Variants in BRWD1 observed in about 807,000 individuals in gnomAD.
The protein encoded by BRWD1 is bromodomain and WD repeat domain containing 1, also known as bromodomain and WD repeat-containing protein 1.
A neutral mutation model predicts 251.2 loss-of-function variants in BRWD1; 82 were observed. That is an observed-to-expected ratio of 0.33 (90% CI 0.27 to 0.39). The LOEUF (loss-of-function observed/expected upper bound fraction) is 0.39. Among genes scored for constraint, BRWD1 ranks in the 10% least tolerant of loss-of-function variants. The pLI is 1.00. For missense variants in BRWD1, 2,233 were observed against 2,711.6 expected, an observed-to-expected ratio of 0.82 and a Z score of 3.92; for synonymous variants, 918 against 902.8, an observed-to-expected ratio of 1.02 and a Z score of -0.30.
intron 10 of BRWD1, 68 bp from the exon 11 acceptor site, chr21:39,277,419 T>C: frequency 1.0e-6 from 1 of 963,896 alleles, no homozygotes; most frequent in Non-Finnish European, 1.4e-6. Context: ...CAAATTTCCA[T>C]ATTAAAATAT....
At chr21:39,297,359 T>C (rs1568966891) in intron 5 of BRWD1, 2 of 985,280 alleles carry the variant, frequency 2.0e-6, no homozygotes, top group Non-Finnish European at 2.4e-6. Flanking sequence ...GGGGTACCAG[T>C]ACAAAACAAA....
At chr21:39,264,374 T>C (rs2034852023) in intron 17 of BRWD1, 86 bp downstream of exon 17, 1 of 809,882 alleles carries the variant, frequency 1.2e-6, no homozygotes, top group Non-Finnish European at 1.8e-6. Flanking sequence ...TAATTGGGGA[T>C]CTAAAGGTAA....
In BRWD1 at chr21:39,224,457, A is replaced by C; in HGVS notation, c.3333T>G (p.Thr1111=). 1 of 1,600,220 alleles carries C rather than the reference A, an allele frequency of 6.2e-7. No individual in the cohort carries two copies. Among genetic ancestry groups the C allele is most frequent in the Non-Finnish European group, 8.5e-7 (1 of 1,171,592 alleles). ...FQCYIVRWDN[T]EIEKLSPWDM... ...CCCATGGGCTAAGTTTTTCAATTTC[A>C]GTATTATCCCACCTGTTAAAAAACA... Residue 1111 remains threonine (T), a synonymous_variant, in exon 29 of 41, where the codon ACT becomes ACG. Transcript: ENST00000342449.
rs1159891861 is a variant in BRWD1, at chr21:39,260,172, TAAG to T, written c.1886-1503_1886-1501del. Among the ~76,000 whole-genome samples, 7 of 151,910 alleles carry T rather than the reference TAAG, an allele frequency of 4.6e-5. No individual in the cohort carries two copies. In the South Asian group the frequency reaches 6.2e-4, roughly 13 times the overall value. ...TACATAGAGGCTTAATCTAAAAAGA[TAAG>T]AAGATTTTAATTAGAATTGCTTATA... On this transcript the variant is annotated intron_variant, in intron 17 of 40. Transcript: ENST00000342449.
chr21:39,197,998 T>C (rs982452013), intron 40 of BRWD1, among the ~76,000 whole-genome samples: 2 of 152,158 alleles, frequency 1.3e-5, no homozygotes, highest in African/African-American at 2.4e-5. Flanking sequence ...CTTGACACTA[T>C]AATATTAACA....
At chr21:39,264,428 TA>T (rs33939736) in intron 17 of BRWD1, 31 bp downstream of exon 17, 325,210 of 1,129,098 alleles carry the variant, frequency 0.29, 18,899 homozygotes, top group African/African-American at 0.48. Context: ...AGTACAACTT[TA>T]AAAAAAAAAA....
intron 4 of BRWD1, among the ~76,000 whole-genome samples, chr21:39,308,201 G>T (rs1245147360): frequency 6.6e-6 from 1 of 152,112 alleles, no homozygotes; most frequent in Non-Finnish European, 1.5e-5. Context: ...GCAAAAGTAG[G>T]CCTGGCAAGG....
At position 39,209,528 on chromosome 21, in the gene BRWD1, T is replaced by A. The variant is rs1031218834; in HGVS notation, c.4197+467A>T. ...AGCCTCCACTGGCTCTGTAACATTA[T>A]TTGTGGTCTTAATCTGATAGCTCAT... On this transcript the variant is annotated intron_variant, in intron 36 of 40. Coordinates refer to ENST00000342449, the MANE Select transcript of BRWD1 (RefSeq NM_033656.4). Among the ~76,000 whole-genome samples the A allele has an allele frequency of 1.8e-4, 28 of 152,176 alleles. 1 individual carries two copies. The highest frequency in any genetic ancestry group is 1.0e-4 in the Non-Finnish European group (7 of 68,030).
rs2032616895 is a variant in BRWD1, at chr21:39,210,676, A to G, written c.4044+110T>C. On this transcript the variant is annotated intron_variant, in intron 35 of 40. Coordinates refer to ENST00000342449, the MANE Select transcript of BRWD1 (RefSeq NM_033656.4). Reference sequence around the variant, plus strand: ...CACTAACTTAGTGATAGGAGCAAAAAAGTTAACATAAAGCCTGGGTATCTT... The same window carrying G: ...CACTAACTTAGTGATAGGAGCAAAAGAGTTAACATAAAGCCTGGGTATCTT... The G allele has an allele frequency of 3.0e-6, 4 of 1,324,914 alleles. No homozygotes were observed. The South Asian group carries it at 6.4e-5, about 21-fold the overall frequency. The allele number at this position is 1,324,914 out of a possible 1,614,324, so 82.1% of individuals were successfully genotyped here.
In BRWD1 at chr21:39,235,232, G is replaced by C. The variant is rs941649539; in HGVS notation, c.2766+1363C>G. 6.6e-5 allele frequency among the ~76,000 whole-genome samples: 10 copies of C among 152,172 alleles called. No individual in the cohort carries two copies. The East Asian group carries it at 1.7e-3, about 26-fold the overall frequency. ...CCACTGCACTCCAGGCTAGGCAACA[G>C]AGACTCCTCTCAAAAAATAAAAAAT... On this transcript the variant is annotated intron_variant, in intron 23 of 40. Transcript: ENST00000342449.
Position 39,190,349 on chromosome 21 carries a change from T to A in BRWD1, c.*5910A>T, listed in dbSNP as rs958299875. ...GGTTACTACAGAAGCATTATAAAAT[T>A]TTCATTGGCATTTTTAAAATTGGAG... is the stretch of plus-strand genomic sequence containing the variant. On this transcript the variant is annotated 3_prime_UTR_variant, in exon 41 of 41. Transcript: ENST00000342449. 1.0e-6 allele frequency: 1 copy of A among 985,152 alleles called. No homozygotes were observed. Among genetic ancestry groups the A allele is most frequent in the Non-Finnish European group, 1.2e-6 (1 of 829,788 alleles). 61.0% of individuals were successfully genotyped at this position (985,152 alleles called of 1,614,324 possible).
In BRWD1 at chr21:39,191,853, C is replaced by G; in HGVS notation, c.*4406G>C. Reference sequence around the variant, plus strand: ...TTAAGGGCTTTAATAAATGAAAAAACTTACCTTAAAACTGACATAACTAAA... The same window carrying G: ...TTAAGGGCTTTAATAAATGAAAAAAGTTACCTTAAAACTGACATAACTAAA... On this transcript the variant is annotated 3_prime_UTR_variant, in exon 41 of 41. Transcript: ENST00000342449. 2 of 984,936 alleles carry G rather than the reference C, an allele frequency of 2.0e-6. No homozygotes were observed. The highest frequency in any genetic ancestry group is 2.4e-6 in the Non-Finnish European group (2 of 829,556). The allele number at this position is 984,936 out of a possible 1,614,324, so 61.0% of individuals were successfully genotyped here. A position where few individuals can be genotyped will look rare whatever the true frequency, so the allele number is the denominator to read the frequency against.
At chr21:39,224,137 A>G (rs1324222230) in intron 29 of BRWD1, among the ~76,000 whole-genome samples, 1 of 152,232 alleles carries the variant, frequency 6.6e-6, no homozygotes, top group African/African-American at 2.4e-5. Context: ...GGCGTGAGCC[A>G]TGGCGCCCAG....
chr21:39,287,335 G>A (rs558462710), intron 8 of BRWD1, among the ~76,000 whole-genome samples: 2 of 152,198 alleles, frequency 1.3e-5, no homozygotes, highest in African/African-American at 4.8e-5. Flanking sequence ...AACTTTTGAG[G>A]AATAAGAGAT....
At chr21:39,288,857 T>A (rs1334682481) in intron 8 of BRWD1, among the ~76,000 whole-genome samples, 1 of 152,076 alleles carries the variant, frequency 6.6e-6, no homozygotes, top group Non-Finnish European at 1.5e-5. Flanking sequence ...ATAAGAGGAG[T>A]TGGTCTTGCT....
rs1435830962 is a variant in BRWD1 at position 39,202,506 on chromosome 21, T to A, written c.4404A>T (p.Ile1468=). The A allele has an allele frequency of 4.3e-6, 7 of 1,613,202 alleles. No homozygotes were observed. The highest frequency in any genetic ancestry group is 5.9e-6 in the Non-Finnish European group (7 of 1,179,308). Residue 1468 remains isoleucine, a synonymous_variant, in exon 38 of 41, where the codon ATA becomes ATT. Transcript: ENST00000342449. ...TAGGAGAACCTACCAACTCAGGAAT[T>A]ATTTTTGTCTGAGATTTTAACCTCT... ...KPKRLKSQTK[I]IPELVGSPTQ...
At chr21:39,306,269 C>T (rs10154217) in intron 4 of BRWD1, among the ~76,000 whole-genome samples, 91,081 of 151,588 alleles carry the variant, frequency 0.6, 27,564 homozygotes, top group Admixed American at 0.66. Context: ...TGAGGTTTCA[C>T]CATGTTGGCC....
At chr21:39,233,571 T>G (rs1465801100) in intron 23 of BRWD1, among the ~76,000 whole-genome samples, 1 of 152,198 alleles carries the variant, frequency 6.6e-6, no homozygotes, top group Non-Finnish European at 1.5e-5. Context: ...TTAAAATTCC[T>G]TGAAGTCTAC....
At chr21:39,212,768 T>C in intron 33 of BRWD1, 61 bp from the exon 34 acceptor site, 1 of 1,168,832 alleles carries the variant, frequency 8.6e-7, no homozygotes, top group Non-Finnish European at 1.2e-6. Context: ...AATAACATAA[T>C]CTTAATAAAT....
Sources: gnomAD v4.1 joint callset for allele counts (sites outside exome capture counted in the v4.1 genomes callset) on GRCh38, gnomAD v4.1.1 for gene constraint, MANE v1.5 for transcripts, NCBI Gene and HGNC (gene_info 2026-07-23, HGNC 2026-07-21) for gene names.